RALGAPA2: variants seen among roughly 807,000 people sequenced by gnomAD.
The protein encoded by RALGAPA2 is Ral GTPase activating protein catalytic subunit alpha 2, also known as ral GTPase-activating protein subunit alpha-2.
RALGAPA2 carries 139 observed loss-of-function variants against 230.4 expected under a neutral mutation model. The observed-to-expected ratio is 0.60, with a 90% CI of 0.53 to 0.69. The LOEUF (loss-of-function observed/expected upper bound fraction) is 0.69, where lower values mean the gene tolerates loss of function less well. Among genes scored for constraint, RALGAPA2 ranks in the 30% least tolerant of loss-of-function variants. RALGAPA2 has a pLI of 0.00. For missense variants in RALGAPA2, 2,163 were observed against 2,276.0 expected (o/e 0.95, Z 1.01); for synonymous variants, 847 against 837.8 (o/e 1.01, Z -0.19).
intron 5 of RALGAPA2, 47 bp from the exon 6 acceptor site, chr20:20,640,925 GA>G: frequency 1.4e-6 from 2 of 1,479,978 alleles, no homozygotes; most frequent in African/African-American, 2.8e-5. Context: ...TGTATTTACA[GA>G]AATGCATTAC....
At chr20:20,506,901 C>A (rs1329691258) in intron 33 of RALGAPA2, among the ~76,000 whole-genome samples, 1 of 152,066 alleles carries the variant, frequency 6.6e-6, no homozygotes, top group African/African-American at 2.4e-5. Flanking sequence ...TATTCACTTC[C>A]CCTATGGTTT....
chr20:20,579,816 A>G (rs2064932083), intron 20 of RALGAPA2, among the ~76,000 whole-genome samples: 1 of 152,156 alleles, frequency 6.6e-6, no homozygotes, highest in African/African-American at 2.4e-5. Flanking sequence ...TGTGTTGAAC[A>G]ATACATTGTT....
intron 32 of RALGAPA2, among the ~76,000 whole-genome samples, chr20:20,512,130 G>A (rs556375353): frequency 6.6e-6 from 1 of 151,894 alleles, no homozygotes; most frequent in African/African-American, 2.4e-5. Context: ...GGAGGTTGCC[G>A]TGAGCCGAGA....
chr20:20,448,346 T>TC (rs1569409659), intron 37 of RALGAPA2, among the ~76,000 whole-genome samples: 1 of 152,204 alleles, frequency 6.6e-6, no homozygotes, highest in East Asian at 1.9e-4. Context: ...CCATAGGTTG[T>TC]CCGGTTGTTA....
chr20:20,710,468 A>T (rs1270662985), intron 1 of RALGAPA2, among the ~76,000 whole-genome samples: 1 of 152,214 alleles, frequency 6.6e-6, no homozygotes, highest in South Asian at 2.1e-4. Flanking sequence ...AATTCCTCAG[A>T]CACATTTTAC....
chr20:20,406,566 T>A (rs2059951112), intron 38 of RALGAPA2, among the ~76,000 whole-genome samples: 1 of 152,070 alleles, frequency 6.6e-6, no homozygotes, highest in Admixed American at 6.6e-5. Flanking sequence ...GGGTGCTGAG[T>A]GGGATGGCTG....
intron 23 of RALGAPA2, among the ~76,000 whole-genome samples, chr20:20,552,812 GC>G (rs1236327465): frequency 6.6e-6 from 1 of 152,060 alleles, no homozygotes. Flanking sequence ...AAGCTCCAAG[GC>G]CTGATTCTCT....
chr20:20,452,210 C>G (rs1192079054), intron 37 of RALGAPA2, among the ~76,000 whole-genome samples: 1 of 152,078 alleles, frequency 6.6e-6, no homozygotes. Flanking sequence ...AACTTCAATC[C>G]AAAGTAAAGC....
chr20:20,515,125 T>C (rs1032087679), intron 31 of RALGAPA2, among the ~76,000 whole-genome samples: 2 of 152,212 alleles, frequency 1.3e-5, no homozygotes, highest in African/African-American at 4.8e-5. Flanking sequence ...GACCACTCCA[T>C]TGCCTGAGGC....
intron 7 of RALGAPA2, 99 bp downstream of exon 7, chr20:20,639,684 GAA>G: frequency 4.6e-6 from 4 of 862,662 alleles, no homozygotes; most frequent in Non-Finnish European, 5.5e-6. Context: ...CAAAGAAAAA[GAA>G]AGAGGAAAAA....
chr20:20,599,668 T>G (rs1186953516), intron 16 of RALGAPA2, among the ~76,000 whole-genome samples: 2 of 152,202 alleles, frequency 1.3e-5, no homozygotes, highest in African/African-American at 4.8e-5. Flanking sequence ...CCTACTGCCC[T>G]TTCTCCTACC....
chr20:20,446,610 GATGA>G (rs1379218223), intron 37 of RALGAPA2, among the ~76,000 whole-genome samples: 1 of 152,214 alleles, frequency 6.6e-6, no homozygotes, highest in Non-Finnish European at 1.5e-5. Flanking sequence ...CGCATAAAGA[GATGA>G]ATGACACTGC....
chr20:20,441,389 T>A (rs958189536), intron 37 of RALGAPA2, among the ~76,000 whole-genome samples: 10 of 152,210 alleles, frequency 6.6e-5, no homozygotes, highest in Admixed American at 5.9e-4. Flanking sequence ...GAGGTGAGTG[T>A]GGGTGGACCT....
chr20:20,671,998 A>G (rs1375464810), intron 3 of RALGAPA2, among the ~76,000 whole-genome samples: 1 of 152,204 alleles, frequency 6.6e-6, no homozygotes, highest in Non-Finnish European at 1.5e-5. Context: ...TCTGTAAGCA[A>G]CATGCAAAAG....
chr20:20,441,682 T>A (rs969559920), intron 37 of RALGAPA2, among the ~76,000 whole-genome samples: 4 of 152,236 alleles, frequency 2.6e-5, no homozygotes, highest in African/African-American at 9.6e-5. Context: ...AGTTGACATG[T>A]GCTGGGAAAG....
chr20:20,571,360 C>A, intron 23 of RALGAPA2, 98 bp downstream of exon 23: 1 of 1,283,772 alleles, frequency 7.8e-7, no homozygotes. Flanking sequence ...AGAAATTCAA[C>A]ACTTCTGATG....
chr20:20,577,955 C>T (rs2064871345), intron 20 of RALGAPA2, among the ~76,000 whole-genome samples: 1 of 152,060 alleles, frequency 6.6e-6, no homozygotes, highest in African/African-American at 2.4e-5. Context: ...TAGACAGATA[C>T]CTCATCATCA....
intron 37 of RALGAPA2, among the ~76,000 whole-genome samples, chr20:20,453,935 C>T (rs1395673392): frequency 6.6e-6 from 1 of 152,088 alleles, no homozygotes; most frequent in Non-Finnish European, 1.5e-5. Flanking sequence ...TATTTTTTGT[C>T]AAGATTTTTT....
intron 37 of RALGAPA2, among the ~76,000 whole-genome samples, chr20:20,415,775 T>C (rs897779016): frequency 1.3e-5 from 2 of 152,238 alleles, no homozygotes; most frequent in Admixed American, 6.5e-5. Context: ...AAAGAGGTTA[T>C]ACGCCTTTAC....
Sources: gnomAD v4.1 joint callset for allele counts (sites outside exome capture counted in the v4.1 genomes callset) on GRCh38, gnomAD v4.1.1 for gene constraint, MANE v1.5 for transcripts, NCBI Gene and HGNC (gene_info 2026-07-23, HGNC 2026-07-21) for gene names.